PTPRJ: variants seen among roughly 807,000 people sequenced by gnomAD.
PTPRJ encodes protein tyrosine phosphatase receptor type J, also known as receptor-type tyrosine-protein phosphatase eta.
PTPRJ carries 129 observed loss-of-function variants against 141.3 expected under a neutral mutation model. That is an observed-to-expected ratio of 0.91 (90% CI 0.79 to 1.06). The LOEUF is 1.06. Among genes scored for constraint, PTPRJ ranks in the 50% least tolerant of loss-of-function variants. PTPRJ has a pLI of 0.00. For missense variants in PTPRJ, 1,601 were observed against 1,679.7 expected (o/e 0.95, Z 0.82); for synonymous variants, 610 against 640.5 (o/e 0.95, Z 0.72).
chr11:47,997,526 G>A (rs1854373729), intron 1 of PTPRJ, among the ~76,000 whole-genome samples: 1 of 152,172 alleles, frequency 6.6e-6, no homozygotes, highest in South Asian at 2.1e-4. Context: ...TTTGTGCTGC[G>A]TCTGGGCATC....
chr11:48,061,873 T>G (rs1316581453), intron 1 of PTPRJ, among the ~76,000 whole-genome samples: 6 of 151,970 alleles, frequency 3.9e-5, no homozygotes, highest in Admixed American at 3.9e-4. Context: ...TCTTCTCATC[T>G]CTGTAAAATT....
intron 1 of PTPRJ, among the ~76,000 whole-genome samples, chr11:48,053,122 A>C (rs191908307): frequency 8.4e-6 from 1 of 118,524 alleles, no homozygotes. Context: ...AAAATATATT[A>C]TATATAAATA....
chr11:48,053,579 A>C (rs1042071713), intron 1 of PTPRJ, among the ~76,000 whole-genome samples: 2 of 137,810 alleles, frequency 1.5e-5, no homozygotes, highest in Non-Finnish European at 3.0e-5. Flanking sequence ...ATATAAAACT[A>C]TATATATATA....
intron 1 of PTPRJ, among the ~76,000 whole-genome samples, chr11:48,050,410 A>G (rs1011225155): frequency 6.6e-6 from 1 of 152,152 alleles, no homozygotes; most frequent in African/African-American, 2.4e-5. Context: ...ACATATCACT[A>G]TCACACAAAG....
chr11:48,160,301 C>G (rs1857734909), intron 22 of PTPRJ, among the ~76,000 whole-genome samples: 1 of 152,202 alleles, frequency 6.6e-6, no homozygotes, highest in South Asian at 2.1e-4. Flanking sequence ...GAGCATGGCT[C>G]TACATCAGGA....
Position 48,164,484 on chromosome 11 carries a change from G to A in PTPRJ, c.3824G>A (p.Arg1275Gln), listed in dbSNP as rs1857864283. Residue 1275 changes from arginine (R) to glutamine (Q), a missense_variant, in exon 24 of 25, where the codon CGA (arginine) becomes CAA (glutamine). Physicochemically the swap from Arg to Gln is conservative, Grantham distance 43. Transcript: ENST00000418331. ...VDVYGIVYDL[R>Q]MHRPLMVQTE... is the part of the protein sequence containing the mutation. ...GTGTATGGGATTGTGTATGACCTTCGAATGCATAGGCCTTTAATGGTGCAG... is the reference window on the plus strand; with the variant it reads ...GTGTATGGGATTGTGTATGACCTTCAAATGCATAGGCCTTTAATGGTGCAG... The A allele has an allele frequency of 1.9e-6, 3 of 1,612,178 alleles. No homozygotes were observed. The highest frequency in any genetic ancestry group is 1.1e-5 in the South Asian group (1 of 91,040).
At chr11:48,035,027 G>T (rs1156976856) in intron 1 of PTPRJ, among the ~76,000 whole-genome samples, 1 of 152,202 alleles carries the variant, frequency 6.6e-6, no homozygotes, top group African/African-American at 2.4e-5. Context: ...ACTCGAGTTT[G>T]TCTGGCTTCC....
At chr11:48,135,456 C>T (rs1365464620) in intron 8 of PTPRJ, among the ~76,000 whole-genome samples, 3 of 141,234 alleles carry the variant, frequency 2.1e-5, no homozygotes, top group Non-Finnish European at 3.0e-5. Context: ...GGATTACAGG[C>T]GTGATCCACC....
At chr11:48,121,325 G>T in intron 4 of PTPRJ, 59 bp downstream of exon 4, 1 of 1,556,428 alleles carries the variant, frequency 6.4e-7, no homozygotes, top group Non-Finnish European at 8.8e-7. Flanking sequence ...GTGTATTCTA[G>T]GGCCTTGTCC....
At position 48,158,012 on chromosome 11, in the gene PTPRJ, C is replaced by T. The variant is rs1055209685; in HGVS notation, c.3438+1893C>T. On this transcript the variant is annotated intron_variant, in intron 21 of 24. Transcript: ENST00000418331. The surrounding 1 kb of genome is among the most constrained non-coding windows in gnomAD (Gnocchi z 4.4). Reference sequence around the variant, plus strand: ...ACTAAAAACACAAAAATTAGCCAGGCGTGGTGGTGCATGCCTGTAATCCCA... The same window carrying T: ...ACTAAAAACACAAAAATTAGCCAGGTGTGGTGGTGCATGCCTGTAATCCCA... Among the ~76,000 whole-genome samples the T allele has an allele frequency of 3.3e-5, 5 of 151,998 alleles. No homozygotes were observed. Among genetic ancestry groups the T allele is most frequent in the Admixed American group, 1.3e-4 (2 of 15,246 alleles).
intron 1 of PTPRJ, among the ~76,000 whole-genome samples, chr11:48,045,356 C>T (rs1854365140): frequency 6.6e-6 from 1 of 152,094 alleles, no homozygotes; most frequent in South Asian, 2.1e-4. Context: ...TTGGGTGACC[C>T]TGGACTATGA....
At chr11:47,997,786 T>C (rs1854383198) in intron 1 of PTPRJ, among the ~76,000 whole-genome samples, 1 of 152,114 alleles carries the variant, frequency 6.6e-6, no homozygotes, top group Non-Finnish European at 1.5e-5. Context: ...TGCAAAGAGA[T>C]TCACTGCCAA....
intron 1 of PTPRJ, among the ~76,000 whole-genome samples, chr11:48,000,278 C>G (rs746875108): frequency 6.6e-6 from 1 of 151,526 alleles, no homozygotes; most frequent in African/African-American, 2.4e-5. Context: ...GTAGCTGGGA[C>G]TACAGATGTG....
In PTPRJ at chr11:48,136,138, A is replaced by G. The variant is rs1285140183; in HGVS notation, c.1715A>G (p.His572Arg). Reference sequence around the variant, plus strand: ...GACGGTGCTTCCGAGTATGTCTACCATTTAGTCATAGAGTCCAAGCATGGC... The same window carrying G: ...GACGGTGCTTCCGAGTATGTCTACCGTTTAGTCATAGAGTCCAAGCATGGC... ...SPDGASEYVY[H>R]LVIESKHGSN... is the part of the protein sequence containing the mutation. The change falls in exon 9 of 25, where the codon CAT (histidine) becomes CGT (arginine). Residue 572 changes from histidine (H) to arginine (R), a missense_variant. Coordinates refer to ENST00000418331, the MANE Select transcript of PTPRJ (RefSeq NM_002843.4). 1 of 1,614,106 alleles carries G rather than the reference A, an allele frequency of 6.2e-7. No homozygotes were observed. Among genetic ancestry groups the G allele is most frequent in the African/African-American group, 1.3e-5 (1 of 74,922 alleles).
chr11:48,130,514 C>G lies in PTPRJ; in HGVS notation c.1413C>G (p.Gly471=). The G allele has an allele frequency of 1.2e-6, 2 of 1,613,950 alleles. No homozygotes were observed. The highest frequency in any genetic ancestry group is 1.7e-6 in the Non-Finnish European group (2 of 1,179,918). Residue 471 remains glycine (G), a synonymous_variant, in exon 8 of 25, where the codon GGC becomes GGG. Transcript: ENST00000418331. ...CAGTGGTCAGCACGACGGAGATCGG[C>G]TTAGCATGGAGCAGCCATGATGCAG... ...RVTVVSTTEI[G]LAWSSHDAES... is the part of the protein sequence containing the mutation.
Position 48,160,485 on chromosome 11 carries a change from C to A in PTPRJ, c.3558+436C>A, listed in dbSNP as rs568083185. Among the ~76,000 whole-genome samples, 14 of 152,332 alleles carry A rather than the reference C, an allele frequency of 9.2e-5. No individual in the cohort carries two copies. The East Asian group carries it at 1.2e-3, about 13-fold the overall frequency. ...TCCAGGGCATATGCACATGGCCTTC[C>A]TTCCCCTCAAAATTTACAAAAGCAA... On this transcript the variant is annotated intron_variant, in intron 22 of 24. Transcript: ENST00000418331.
chr11:48,164,559 T>G, intron 24 of PTPRJ, 44 bp downstream of exon 24: 2 of 72,236 alleles, frequency 2.8e-5, no homozygotes, highest in Non-Finnish European at 4.1e-5. Flanking sequence ...TTCCCCTCCA[T>G]TTTTTTTTTT....
intron 1 of PTPRJ, among the ~76,000 whole-genome samples, chr11:48,081,870 A>C (rs1316321253): frequency 6.6e-6 from 1 of 152,202 alleles, no homozygotes; most frequent in Non-Finnish European, 1.5e-5. Context: ...GGCTGATGCT[A>C]CTGATGAAGT....
At chr11:48,102,429 A>G (rs117833001) in intron 1 of PTPRJ, among the ~76,000 whole-genome samples, 2,249 of 151,856 alleles carry the variant, frequency 0.015, 111 homozygotes, top group East Asian at 0.087. Context: ...TTTTTTTGAG[A>G]CAGAGTTTTG....
Sources: allele counts gnomAD v4.1 joint callset (sites outside exome capture counted in the v4.1 genomes callset), GRCh38; gene constraint gnomAD v4.1.1; non-coding constraint Gnocchi (gnomAD v3.1); transcripts MANE v1.5; gene names NCBI Gene and HGNC (gene_info 2026-07-23, HGNC 2026-07-21).